The following RAB10 variants were observed in gnomAD, a reference collection of about 807,000 sequenced individuals.
RAB10 encodes the protein ras-related protein Rab-10.
A neutral mutation model predicts 25.7 loss-of-function variants in RAB10; 5 were observed. The ratio of observed to expected loss-of-function variants is 0.19; its 90% confidence interval spans 0.10 to 0.41. RAB10 has a LOEUF of 0.41. Ranked by LOEUF, RAB10 falls within the 10% of genes least tolerant of loss-of-function variation. The pLI, the probability that RAB10 is intolerant of heterozygous loss-of-function variation, is 1.00. For missense variants in RAB10, 103 were observed against 245.8 expected (o/e 0.42, Z 3.89); for synonymous variants, 89 against 86.4 (o/e 1.03, Z -0.16).
intron 1 of RAB10, among the ~76,000 whole-genome samples, chr2:26,041,543 C>CAAAAAAA (rs1230627488): frequency 1.1e-4 from 5 of 44,616 alleles, no homozygotes; most frequent in African/African-American, 4.2e-4. Flanking sequence ...GACGCTGACT[C>CAAAAAAA]AAAAAAAAAA....
chr2:26,102,718 G>A (rs535970324), intron 2 of RAB10, among the ~76,000 whole-genome samples: 1 of 152,002 alleles, frequency 6.6e-6, no homozygotes, highest in South Asian at 2.1e-4. Flanking sequence ...GATTACAGGC[G>A]TGAGCCACTG....
At chr2:26,132,744 T>A (rs1668033749) in intron 5 of RAB10, among the ~76,000 whole-genome samples, 1 of 150,566 alleles carries the variant, frequency 6.6e-6, no homozygotes, top group South Asian at 2.1e-4. Flanking sequence ...TGTAAAAGAT[T>A]TTGCTCCGCA....
intron 1 of RAB10, among the ~76,000 whole-genome samples, chr2:26,080,392 A>T (rs1232358983): frequency 6.6e-6 from 1 of 152,206 alleles, no homozygotes; most frequent in Non-Finnish European, 1.5e-5. Context: ...ATCAGTGGGC[A>T]AAAATATGAT....
chr2:26,119,465 G>C (rs896841255), intron 3 of RAB10, among the ~76,000 whole-genome samples: 2 of 151,354 alleles, frequency 1.3e-5, no homozygotes, highest in Non-Finnish European at 2.9e-5. Context: ...CTTTGTCTTA[G>C]TTTTTGTGTT....
At chr2:26,058,049 A>G (rs1045788826) in intron 1 of RAB10, among the ~76,000 whole-genome samples, 2 of 152,238 alleles carry the variant, frequency 1.3e-5, no homozygotes, top group East Asian at 1.9e-4. Context: ...GGACCATAGT[A>G]GATACTCAGA....
At chr2:26,113,567 CTG>C (rs1427921212) in intron 3 of RAB10, among the ~76,000 whole-genome samples, 1 of 53,852 alleles carries the variant, frequency 1.9e-5, no homozygotes, top group Non-Finnish European at 3.4e-5. Context: ...GAGCAAGACT[CTG>C]TCTCAAAAAA....
At chr2:26,040,619 C>G (rs1665863477) in intron 1 of RAB10, among the ~76,000 whole-genome samples, 1 of 152,098 alleles carries the variant, frequency 6.6e-6, no homozygotes, top group African/African-American at 2.4e-5. Context: ...GATCACACCA[C>G]TGCACTCCAG....
Position 26,035,952 on chromosome 2 carries a change from C to G in RAB10, c.127+1217C>G, listed in dbSNP as rs570839369. Among the ~76,000 whole-genome samples, 6 of 152,230 alleles carry G rather than the reference C, an allele frequency of 3.9e-5. No homozygotes were observed. The East Asian group carries it at 1.2e-3, about 29-fold the overall frequency. ...TTTAAATAGATTTTTATTTTGCTTA[C>G]CTTTTTTGGGAGGCAAATTATCATA... On this transcript the variant is annotated intron_variant, in intron 1 of 5. Coordinates refer to ENST00000264710, the MANE Select transcript of RAB10 (RefSeq NM_016131.5).
intron 2 of RAB10, among the ~76,000 whole-genome samples, chr2:26,102,786 A>G (rs1455581329): frequency 6.6e-6 from 1 of 152,106 alleles, no homozygotes; most frequent in Non-Finnish European, 1.5e-5. Flanking sequence ...TCACTTAGCT[A>G]AACACCATTT....
intron 3 of RAB10, 134 bp downstream of exon 3, chr2:26,110,040 C>T: frequency 1.8e-6 from 2 of 1,096,794 alleles, no homozygotes; most frequent in Non-Finnish European, 1.2e-6. Context: ...TTTCTATTTT[C>T]TAAAAGTTAA....
chr2:26,037,680 G>A (rs1279573425), intron 1 of RAB10, among the ~76,000 whole-genome samples: 1 of 151,864 alleles, frequency 6.6e-6, no homozygotes, highest in Non-Finnish European at 1.5e-5. Flanking sequence ...CTACCACATA[G>A]GGTAGTTGTG....
At chr2:26,131,465 G>C (rs1185038373) in intron 5 of RAB10, among the ~76,000 whole-genome samples, 5 of 152,010 alleles carry the variant, frequency 3.3e-5, no homozygotes, top group Non-Finnish European at 7.4e-5. Context: ...GTGAAGTTGT[G>C]AGTTAAAACA....
rs1172880114 is a variant in RAB10, at chr2:26,137,209, A to C, written c.*2188A>C. 2 of 152,700 alleles carry C rather than the reference A, an allele frequency of 1.3e-5. No individual in the cohort carries two copies. Among genetic ancestry groups the C allele is most frequent in the African/African-American group, 4.8e-5 (2 of 41,472 alleles). The allele number at this position is 152,700 out of a possible 1,614,324, so 9.5% of individuals were successfully genotyped here. A position where few individuals can be genotyped will look rare whatever the true frequency, so the allele number is the denominator to read the frequency against. ...ATATCAAAAAAGGGAAATGAAGTAT[A>C]AATCAATTTTTGTATAATCTGTTTG... On this transcript the variant is annotated 3_prime_UTR_variant, in exon 6 of 6. Transcript: ENST00000264710.
chr2:26,122,667 A>C (rs1183196150), intron 3 of RAB10, among the ~76,000 whole-genome samples: 1 of 152,094 alleles, frequency 6.6e-6, no homozygotes, highest in Non-Finnish European at 1.5e-5. Context: ...GTAGACTATG[A>C]TATTCAAGAA....
intron 1 of RAB10, among the ~76,000 whole-genome samples, chr2:26,081,949 G>C (rs114856231): frequency 6.6e-6 from 1 of 152,014 alleles, no homozygotes; most frequent in Non-Finnish European, 1.5e-5. Flanking sequence ...GTTAAAGGAA[G>C]TGTTTTAGCC....
chr2:26,107,476 A>C (rs1365583756), intron 2 of RAB10, among the ~76,000 whole-genome samples: 1 of 152,134 alleles, frequency 6.6e-6, no homozygotes, highest in African/African-American at 2.4e-5. Flanking sequence ...AGAACTTTCA[A>C]AAGTCAGCAG....
At chr2:26,117,893 T>G (rs546606061) in intron 3 of RAB10, among the ~76,000 whole-genome samples, 131 of 152,298 alleles carry the variant, frequency 8.6e-4, no homozygotes, top group African/African-American at 3.0e-3. Context: ...GAAACGTACT[T>G]TGGACCAAAT....
intron 3 of RAB10, among the ~76,000 whole-genome samples, chr2:26,117,974 G>T (rs570775079): frequency 3.7e-4 from 56 of 152,108 alleles, no homozygotes; most frequent in Non-Finnish European, 7.5e-4. Context: ...GATATAAAAA[G>T]ATGTTCTTTT....
intron 1 of RAB10, among the ~76,000 whole-genome samples, chr2:26,092,361 T>G (rs1398229081): frequency 2.0e-5 from 3 of 150,834 alleles, no homozygotes; most frequent in African/African-American, 7.3e-5. Context: ...AAAGCCTGTT[T>G]GGAAAGGATT....
Sources: allele counts gnomAD v4.1 joint callset (sites outside exome capture counted in the v4.1 genomes callset), GRCh38; gene constraint gnomAD v4.1.1; transcripts MANE v1.5; gene names NCBI Gene and HGNC (gene_info 2026-07-23, HGNC 2026-07-21).